STS: variants seen among roughly 807,000 people sequenced by gnomAD.
STS encodes the protein steryl-sulfatase.
STS carries 7 observed loss-of-function variants against 26.8 expected under a neutral mutation model. That is an observed-to-expected ratio of 0.26 (90% CI 0.15 to 0.49). The LOEUF (loss-of-function observed/expected upper bound fraction) is 0.49. Ranked by LOEUF, STS falls within the 20% of genes least tolerant of loss-of-function variation. The pLI, the probability that STS is intolerant of heterozygous loss-of-function variation, is 0.98. For synonymous variants in STS, 199 were observed against 189.4 expected, an observed-to-expected ratio of 1.05 and a Z score of -0.42; for missense variants, 434 against 465.6, an observed-to-expected ratio of 0.93 and a Z score of 0.63.
chrX:7,276,084 G>A lies in STS; in HGVS notation c.940G>A (p.Val314Met), dbSNP rs762362074. The A allele has an allele frequency of 8.3e-7, 1 of 1,206,533 alleles. No individual in the cohort carries two copies. The highest frequency in any genetic ancestry group is 1.8e-5 in the African/African-American group (1 of 56,430). Residue 314 changes from valine to methionine, a missense_variant, in exon 7 of 11, where the codon GTG becomes ATG. Physicochemically the swap from Val to Met is conservative, Grantham distance 21. This residue lies in a region of STS where 229 missense variants were observed against 288.3 expected (regional missense o/e 0.79). Transcript: ENST00000674429. ...GDAVEEMDWS[V>M]GQILNLLDEL... Reference sequence around the variant, plus strand: ...TGCTGTTGAGGAAATGGACTGGAGTGTGGGTACGTTTCTCCTCAGTGAGTG... The same window carrying A: ...TGCTGTTGAGGAAATGGACTGGAGTATGGGTACGTTTCTCCTCAGTGAGTG...
At chrX:7,331,182 C>A (rs1927727892) in intron 9 of STS, among the ~76,000 whole-genome samples, 1 of 111,598 alleles carries the variant, frequency 9.0e-6, no homozygotes, top group South Asian at 3.8e-4. Context: ...GAGAGCACAG[C>A]ACATTCTTGG....
intron 6 of STS, among the ~76,000 whole-genome samples, chrX:7,266,087 G>A (rs971406895): frequency 8.9e-6 from 1 of 111,972 alleles, no homozygotes; most frequent in Non-Finnish European, 1.9e-5. Flanking sequence ...CCTGATCAAA[G>A]CAATGGTAGT....
chrX:7,206,315 G>C (rs1934232602), intron 2 of STS, among the ~76,000 whole-genome samples: 1 of 111,812 alleles, frequency 8.9e-6, no homozygotes, highest in Non-Finnish European at 1.9e-5. Flanking sequence ...TTGGCTTTTT[G>C]TTCCAGTTCT....
At chrX:7,320,690 T>G (rs1926986285) in intron 8 of STS, among the ~76,000 whole-genome samples, 1 of 111,929 alleles carries the variant, frequency 8.9e-6, no homozygotes, top group Non-Finnish European at 1.9e-5. Flanking sequence ...AAGATCTGCT[T>G]TCAACTGCTT....
chrX:7,231,834 CTTT>C (rs35306364), intron 2 of STS, among the ~76,000 whole-genome samples: 10 of 87,085 alleles, frequency 1.1e-4, no homozygotes, highest in Middle Eastern at 6.1e-3. Flanking sequence ...AATAAATCTG[CTTT>C]TTTTTTTTTT....
chrX:7,149,685 C>A (rs896558645), intron 1 of STS, among the ~76,000 whole-genome samples: 2 of 111,778 alleles, frequency 1.8e-5, no homozygotes, highest in African/African-American at 6.5e-5. Context: ...TGTCACAGAT[C>A]TGGAGGCCAG....
At chrX:7,171,180 C>T (rs1469294102) in intron 1 of STS, among the ~76,000 whole-genome samples, 1 of 111,799 alleles carries the variant, frequency 8.9e-6, no homozygotes, top group Non-Finnish European at 1.9e-5. Flanking sequence ...AGGGGCAGTT[C>T]GGCCTCCTGG....
At chrX:7,212,696 T>C (rs940030446) in intron 2 of STS, among the ~76,000 whole-genome samples, 2 of 111,850 alleles carry the variant, frequency 1.8e-5, no homozygotes, top group Non-Finnish European at 3.8e-5. Context: ...ATATGTCCCA[T>C]AATTTTTTCC....
intron 1 of STS, among the ~76,000 whole-genome samples, chrX:7,159,653 A>G (rs763881673): frequency 9.0e-6 from 1 of 111,718 alleles, no homozygotes; most frequent in East Asian, 2.8e-4. Context: ...TTTCCAGGTT[A>G]GGGAGTCAAT....
Position 7,350,126 on chromosome X carries a change from G to T in STS, c.1602G>T (p.Gln534His), listed in dbSNP as rs1569235135. 2 of 1,211,980 alleles carry T rather than the reference G, an allele frequency of 1.7e-6. No homozygotes were observed. The highest frequency in any genetic ancestry group is 4.3e-5 in the Admixed American group (2 of 46,087). ...VMQEAADRHT[Q>H]TLPEVPDQFS... is the part of the protein sequence containing the mutation. Reference sequence around the variant, plus strand: ...AGGAAGCTGCGGACAGACACACCCAGACCCTGCCAGAGGTGCCCGATCAGT... The same window carrying T: ...AGGAAGCTGCGGACAGACACACCCATACCCTGCCAGAGGTGCCCGATCAGT... The change falls in exon 11 of 11, where the codon CAG (glutamine) becomes CAT (histidine). Residue 534 changes from glutamine (Q) to histidine (H), a missense_variant. By Grantham distance (24) the Gln-to-His change is conservative (BLOSUM62 0). Coordinates refer to ENST00000674429, the MANE Select transcript of STS (RefSeq NM_001320752.2).
At chrX:7,258,043 G>A (rs1405907188) in intron 5 of STS, among the ~76,000 whole-genome samples, 4 of 106,001 alleles carry the variant, frequency 3.8e-5, no homozygotes, top group African/African-American at 1.4e-4. Flanking sequence ...TGGATGGATG[G>A]AAGGAATAGA....
At chrX:7,219,253 C>T (rs1397213151) in intron 2 of STS, among the ~76,000 whole-genome samples, 2 of 111,862 alleles carry the variant, frequency 1.8e-5, no homozygotes, top group Non-Finnish European at 3.8e-5. Flanking sequence ...CTGGCCTGTT[C>T]CTGCTGTAAG....
At chrX:7,191,687 C>G (rs995145582) in intron 2 of STS, among the ~76,000 whole-genome samples, 3 of 108,582 alleles carry the variant, frequency 2.8e-5, no homozygotes, top group Non-Finnish European at 5.7e-5. Flanking sequence ...ATAACCAGGT[C>G]TCTCCCCGCA....
intron 8 of STS, among the ~76,000 whole-genome samples, chrX:7,317,099 C>T (rs1319840608): frequency 2.7e-5 from 3 of 111,597 alleles, no homozygotes; most frequent in African/African-American, 9.8e-5. Flanking sequence ...AGAATCCTCG[C>T]TACGCTTGCC....
intron 2 of STS, among the ~76,000 whole-genome samples, chrX:7,243,958 A>G (rs1217986277): frequency 8.9e-6 from 1 of 111,814 alleles, no homozygotes; most frequent in Non-Finnish European, 1.9e-5. Flanking sequence ...AATCCCAGCT[A>G]ATCAGGAGGC....
At position 7,259,333 on chromosome X, in the gene STS, C is replaced by T. The variant is rs56055086; in HGVS notation, c.383-16C>T. On this transcript the variant is annotated splice_polypyrimidine_tract_variant and intron_variant, in intron 5 of 10. Transcript: ENST00000674429. ...TGTTTATTGGGACTGAAGTGATCCC[C>T]CATTTGTCTTCTCAGGGAAATGGCA... The T allele has an allele frequency of 4.2e-3, 5,046 of 1,204,489 alleles. 22 individuals carry two copies. The highest frequency in any genetic ancestry group is 5.1e-3 in the Admixed American group (233 of 45,698).
chrX:7,241,879 G>A (rs1168354622), intron 2 of STS, among the ~76,000 whole-genome samples: 1 of 111,913 alleles, frequency 8.9e-6, no homozygotes, highest in Non-Finnish European at 1.9e-5. Context: ...AGCTCATTCA[G>A]ATAGTTGCAG....
chrX:7,170,615 A>G (rs1735517094), intron 1 of STS, among the ~76,000 whole-genome samples: 1 of 109,752 alleles, frequency 9.1e-6, no homozygotes, highest in Non-Finnish European at 1.9e-5. Flanking sequence ...TTTACATTAA[A>G]TTAAATTTTA....
chrX:7,318,278 C>G (rs774511336), intron 8 of STS, among the ~76,000 whole-genome samples: 1 of 111,113 alleles, frequency 9.0e-6, no homozygotes, highest in South Asian at 3.9e-4. Flanking sequence ...GAGTGGTGCC[C>G]GGGAGAGCAG....
Sources: allele counts gnomAD v4.1 joint callset (sites outside exome capture counted in the v4.1 genomes callset), GRCh38; gene constraint gnomAD v4.1.1; regional missense constraint gnomAD v4.1.1; transcripts MANE v1.5; gene names NCBI Gene and HGNC (gene_info 2026-07-23, HGNC 2026-07-21).